The following ELOVL6 variants were observed in gnomAD, a reference collection of about 807,000 sequenced individuals.
ELOVL6 encodes the protein ELOVL fatty acid elongase 6, also known as very long chain fatty acid elongase 6.
In ELOVL6, 8 loss-of-function variants were observed where a neutral mutation model predicts 31.7. That is an observed-to-expected ratio of 0.25 (90% CI 0.15 to 0.45). ELOVL6 has a LOEUF of 0.45. Among genes scored for constraint, ELOVL6 ranks in the 20% least tolerant of loss-of-function variants. The pLI is 1.00. For synonymous variants in ELOVL6, 101 were observed against 117.7 expected (o/e 0.86, Z 0.92); for missense variants, 126 against 326.4 (o/e 0.39, Z 4.73).
chr4:110,171,080 A>AG (rs1460730847), intron 1 of ELOVL6, among the ~76,000 whole-genome samples: 2 of 152,198 alleles, frequency 1.3e-5, no homozygotes, highest in African/African-American at 4.8e-5. Flanking sequence ...GAATCTGAAC[A>AG]GACAGGCCTT....
chr4:110,168,991 T>C (rs1758861764), intron 1 of ELOVL6, among the ~76,000 whole-genome samples: 1 of 152,202 alleles, frequency 6.6e-6, no homozygotes, highest in South Asian at 2.1e-4. Flanking sequence ...AGAAAGGGTC[T>C]CACTCTGTCA....
intron 2 of ELOVL6, among the ~76,000 whole-genome samples, chr4:110,069,171 AGG>A (rs1560805294): frequency 0.029 from 3,477 of 118,322 alleles, 128 homozygotes; most frequent in African/African-American, 0.091. Flanking sequence ...TAATAATAAT[AGG>A]GACACTTGGT....
chr4:110,193,692 A>G (rs940650920), intron 1 of ELOVL6, among the ~76,000 whole-genome samples: 1 of 152,256 alleles, frequency 6.6e-6, no homozygotes, highest in Non-Finnish European at 1.5e-5. Flanking sequence ...TCCTCAGCTG[A>G]ACAGCATTTA....
chr4:110,164,738 C>CA (rs1287813192), intron 1 of ELOVL6, among the ~76,000 whole-genome samples: 1,921 of 84,202 alleles, frequency 0.023, 43 homozygotes, highest in African/African-American at 0.057. Flanking sequence ...GACCCTGTCT[C>CA]AAAAAAAAAA....
intron 3 of ELOVL6, among the ~76,000 whole-genome samples, chr4:110,054,162 T>C (rs1160799930): frequency 2.0e-5 from 3 of 152,200 alleles, no homozygotes; most frequent in Admixed American, 6.5e-5. Context: ...TTTCTGAACC[T>C]ACTGTCAAAT....
intron 2 of ELOVL6, among the ~76,000 whole-genome samples, chr4:110,103,506 C>T (rs1756808467): frequency 6.6e-6 from 1 of 151,978 alleles, no homozygotes; most frequent in East Asian, 1.9e-4. Flanking sequence ...AGCATTTATC[C>T]TAATCTTTGC....
At chr4:110,187,172 G>C (rs985140802) in intron 1 of ELOVL6, among the ~76,000 whole-genome samples, 19 of 151,738 alleles carry the variant, frequency 1.3e-4, no homozygotes, top group African/African-American at 4.6e-4. Flanking sequence ...ATGAGTAAAA[G>C]AGTCTGAAAA....
At chr4:110,084,157 C>CATATGTG (rs1756055698) in intron 2 of ELOVL6, among the ~76,000 whole-genome samples, 1 of 91,684 alleles carries the variant, frequency 1.1e-5, no homozygotes, top group African/African-American at 7.5e-5. Flanking sequence ...ATATATATAA[C>CATATGTG]ATATATGTGA....
chr4:110,096,930 C>T (rs1449959021), intron 2 of ELOVL6, among the ~76,000 whole-genome samples: 1 of 152,014 alleles, frequency 6.6e-6, no homozygotes. Context: ...CAAAACTGAA[C>T]AGGATAATAA....
chr4:110,112,838 C>T (rs1329035657), intron 1 of ELOVL6, among the ~76,000 whole-genome samples: 4 of 152,062 alleles, frequency 2.6e-5, no homozygotes, highest in Non-Finnish European at 4.4e-5. Flanking sequence ...CACACCATTG[C>T]ATTCCAGCCT....
chr4:110,193,036 C>T (rs1292617939), intron 1 of ELOVL6, among the ~76,000 whole-genome samples: 1 of 152,176 alleles, frequency 6.6e-6, no homozygotes, highest in Non-Finnish European at 1.5e-5. Context: ...GTTTTCCAGC[C>T]ATTTTTCTTA....
intron 2 of ELOVL6, among the ~76,000 whole-genome samples, chr4:110,080,829 A>T (rs1164725466): frequency 1.3e-5 from 2 of 152,120 alleles, no homozygotes; most frequent in African/African-American, 4.8e-5. Context: ...ACATGATTGT[A>T]TATCTAGAAA....
chr4:110,068,346 A>G (rs1755366133), intron 2 of ELOVL6, among the ~76,000 whole-genome samples: 1 of 152,204 alleles, frequency 6.6e-6, no homozygotes, highest in South Asian at 2.1e-4. Context: ...GTCTGTGCTG[A>G]AGACTTCATG....
chr4:110,136,918 G>A (rs1757829045), intron 1 of ELOVL6, among the ~76,000 whole-genome samples: 1 of 152,074 alleles, frequency 6.6e-6, no homozygotes, highest in Admixed American at 6.6e-5. Context: ...TGTCTTCTGG[G>A]ATTGTCTGTT....
rs186812074 is a variant in ELOVL6 at position 110,094,622 on chromosome 4, G to C, written c.221+10875C>G. On this transcript the variant is annotated intron_variant, in intron 2 of 3. Coordinates refer to ENST00000302274, the MANE Select transcript of ELOVL6 (RefSeq NM_024090.3). The stretch of plus-strand genomic sequence containing the variant: ...GACCATGTTTGAGGAACAGCAAGGA[G>C]GCAAGAGTGGCTGAGGAGAGGGAAG... Among the ~76,000 whole-genome samples, 364 of 151,172 alleles carry C rather than the reference G, an allele frequency of 2.4e-3. 2 individuals carry two copies. The highest frequency in any genetic ancestry group is 7.4e-3 in the African/African-American group (305 of 41,186).
chr4:110,095,477 C>CT (rs1578477258), intron 2 of ELOVL6, among the ~76,000 whole-genome samples: 1 of 107,414 alleles, frequency 9.3e-6, no homozygotes, highest in Non-Finnish European at 1.8e-5. Context: ...GCGAAACTGT[C>CT]TTTAAAAAAA....
intron 2 of ELOVL6, among the ~76,000 whole-genome samples, chr4:110,092,693 C>T (rs954769537): frequency 6.6e-6 from 1 of 152,140 alleles, no homozygotes; most frequent in Non-Finnish European, 1.5e-5. Flanking sequence ...TGGACGTCAG[C>T]ATCATTTGAA....
intron 1 of ELOVL6, among the ~76,000 whole-genome samples, chr4:110,122,122 A>C (rs1757374342): frequency 6.6e-6 from 1 of 152,200 alleles, no homozygotes; most frequent in Non-Finnish European, 1.5e-5. Context: ...CCAAAAGGAC[A>C]ATGGCCCTTT....
At chr4:110,158,491 G>T (rs370586145) in intron 1 of ELOVL6, among the ~76,000 whole-genome samples, 1 of 141,660 alleles carries the variant, frequency 7.1e-6, no homozygotes, top group African/African-American at 2.5e-5. Context: ...CCGAGGGCAC[G>T]ATCAGTCAAG....
Sources: gnomAD v4.1 joint callset for allele counts (sites outside exome capture counted in the v4.1 genomes callset) on GRCh38, gnomAD v4.1.1 for gene constraint, MANE v1.5 for transcripts, NCBI Gene and HGNC (gene_info 2026-07-23, HGNC 2026-07-21) for gene names.